Variants in RNF38 observed in about 807,000 individuals in gnomAD.
RNF38 encodes the protein E3 ubiquitin-protein ligase RNF38.
RNF38 carries 15 observed loss-of-function variants against 67.2 expected under a neutral mutation model. That is an observed-to-expected ratio of 0.22 (90% CI 0.15 to 0.34). RNF38 has a LOEUF of 0.34. Ranked by LOEUF, RNF38 falls within the 10% of genes least tolerant of loss-of-function variation. The probability of loss-of-function intolerance (pLI) is 1.00; values close to 1 mark genes in which losing one functional copy is unlikely to be tolerated. For synonymous variants in RNF38, 220 were observed against 218.8 expected (o/e 1.01, Z -0.05); for missense variants, 524 against 639.9 (o/e 0.82, Z 1.95).
At chr9:36,353,594 C>A (rs946483100) in intron 6 of RNF38, among the ~76,000 whole-genome samples, 2 of 152,146 alleles carry the variant, frequency 1.3e-5, no homozygotes, top group African/African-American at 4.8e-5. Flanking sequence ...CTATTTGAAC[C>A]TTCTCTTAAA....
intron 1 of RNF38, among the ~76,000 whole-genome samples, chr9:36,465,515 T>C (rs1326995843): frequency 1.3e-5 from 2 of 152,074 alleles, no homozygotes; most frequent in African/African-American, 4.8e-5. Flanking sequence ...CCTGGCTGAT[T>C]TTATATTTTT....
At chr9:36,451,751 CG>C (rs951070710) in intron 1 of RNF38, among the ~76,000 whole-genome samples, 2 of 151,376 alleles carry the variant, frequency 1.3e-5, no homozygotes, top group African/African-American at 4.8e-5. Flanking sequence ...CCGCCCACCT[CG>C]GCCTCCCAAA....
chr9:36,453,324 G>A (rs2134344374), intron 1 of RNF38, among the ~76,000 whole-genome samples: 1 of 151,784 alleles, frequency 6.6e-6, no homozygotes, highest in South Asian at 2.1e-4. Flanking sequence ...AAGCAATCTT[G>A]CTGCCTCAGC....
At chr9:36,390,742 A>T (rs1837017285) in intron 1 of RNF38, 126 bp from the exon 2 acceptor site, 1 of 983,454 alleles carries the variant, frequency 1.0e-6, no homozygotes, top group Admixed American at 2.6e-5. Context: ...CAGGAAAGAA[A>T]TTAAAAATTA....
At chr9:36,448,989 G>A (rs758553323) in intron 1 of RNF38, among the ~76,000 whole-genome samples, 22 of 151,424 alleles carry the variant, frequency 1.5e-4, no homozygotes, top group South Asian at 4.2e-4. Flanking sequence ...GCGAGACTCC[G>A]TCTCAAAAAA....
chr9:36,460,915 G>T (rs1458027914), intron 1 of RNF38, among the ~76,000 whole-genome samples: 2 of 134,376 alleles, frequency 1.5e-5, no homozygotes, highest in South Asian at 2.4e-4. Context: ...AAGAAAGAAA[G>T]AAAGAAAAAA....
At chr9:36,401,194 G>A (rs866451919), upstream of RNF38, 4 of 981,782 alleles carry the variant, frequency 4.1e-6, no homozygotes, top group African/African-American at 1.8e-5. Context: ...ACCCCGAGGG[G>A]GAAGGGGGCG....
intron 1 of RNF38, among the ~76,000 whole-genome samples, chr9:36,396,198 G>A (rs537628435): frequency 6.6e-6 from 1 of 152,322 alleles, no homozygotes; most frequent in South Asian, 2.1e-4. Flanking sequence ...AGCAAATGAT[G>A]TAACAGCCTG....
intron 6 of RNF38, among the ~76,000 whole-genome samples, chr9:36,355,859 A>G (rs1245798536): frequency 2.6e-5 from 4 of 152,086 alleles, no homozygotes; most frequent in Non-Finnish European, 4.4e-5. Flanking sequence ...TTGTTTGTTT[A>G]TTTTGGAGAC....
chr9:36,347,114 C>G (rs1465043901), intron 9 of RNF38, among the ~76,000 whole-genome samples: 1 of 47,834 alleles, frequency 2.1e-5, no homozygotes, highest in Non-Finnish European at 3.4e-5. Context: ...AAGGGAGACT[C>G]CATCTCGGGG....
In RNF38 at chr9:36,459,621, GTGTA is replaced by G. The variant is rs554839456; in HGVS notation, n.241+27683_241+27686del. ...ATGTGAGTGTGCAAGAGAAGAGTAT[GTGTA>G]TGTGTGTACATACTCCATCACAGGC... On this transcript the variant is annotated intron_variant and non_coding_transcript_variant, in intron 1 of 3. Transcript: ENST00000488058. Among the ~76,000 whole-genome samples the G allele has an allele frequency of 6.6e-3, 1,003 of 152,210 alleles. 7 individuals are homozygous for G. The highest frequency in any genetic ancestry group is 0.012 in the Non-Finnish European group (798 of 68,010).
At chr9:36,370,522 T>C (rs568318242) in intron 3 of RNF38, among the ~76,000 whole-genome samples, 2 of 152,206 alleles carry the variant, frequency 1.3e-5, no homozygotes, top group Non-Finnish European at 2.9e-5. Context: ...AGTATCAACA[T>C]AAATATTCCA....
intron 1 of RNF38, among the ~76,000 whole-genome samples, chr9:36,449,974 G>C (rs1026608686): frequency 6.6e-6 from 1 of 152,032 alleles, no homozygotes; most frequent in African/African-American, 2.4e-5. Context: ...AAACATATTC[G>C]CTCTGTTCAC....
intron 1 of RNF38, among the ~76,000 whole-genome samples, chr9:36,465,578 C>A (rs991470818): frequency 6.6e-6 from 1 of 152,082 alleles, no homozygotes; most frequent in Non-Finnish European, 1.5e-5. Flanking sequence ...CTCCTGACCT[C>A]AGGTGATCCG....
At position 36,351,112 on chromosome 9, in the gene RNF38, A is replaced by C; in HGVS notation, c.1263+3T>G. On this transcript the variant is annotated splice_donor_region_variant and intron_variant, in intron 9 of 11. Coordinates refer to ENST00000259605, the MANE Select transcript of RNF38 (RefSeq NM_022781.5). ...CAAATTAATTCACAATTCATCTACTAACCTCGTAATTTTCTACTTCTCCAT... is the reference window on the plus strand; with the variant it reads ...CAAATTAATTCACAATTCATCTACTCACCTCGTAATTTTCTACTTCTCCAT... 1 of 1,596,166 alleles carries C rather than the reference A, an allele frequency of 6.3e-7. No homozygotes were observed. The highest frequency in any genetic ancestry group is 8.6e-7 in the Non-Finnish European group (1 of 1,164,632).
At chr9:36,393,757 C>G (rs1029530888) in intron 1 of RNF38, among the ~76,000 whole-genome samples, 3 of 152,052 alleles carry the variant, frequency 2.0e-5, no homozygotes, top group Non-Finnish European at 4.4e-5. Flanking sequence ...ATGACTTAAT[C>G]AGAGAAAGCA....
Position 36,339,687 on chromosome 9 carries a change from A to C in RNF38, c.*65T>G. The stretch of plus-strand genomic sequence containing the variant: ...GCTGGAAGCCACACAGATTAAGTTC[A>C]ATGGATAGTCCGTATATACATGTGA... On this transcript the variant is annotated 3_prime_UTR_variant, in exon 12 of 12. Coordinates refer to ENST00000259605, the MANE Select transcript of RNF38 (RefSeq NM_022781.5). 1 of 1,314,678 alleles carries C rather than the reference A, an allele frequency of 7.6e-7. No homozygotes were observed. Among genetic ancestry groups the C allele is most frequent in the Non-Finnish European group, 1.1e-6 (1 of 919,786 alleles). 81.4% of individuals were successfully genotyped at this position (1,314,678 alleles called of 1,614,324 possible). A position where few individuals can be genotyped will look rare whatever the true frequency, so the allele number is the denominator to read the frequency against.
intron 9 of RNF38, among the ~76,000 whole-genome samples, chr9:36,349,682 C>CA (rs1156894358): frequency 1.6e-4 from 25 of 152,076 alleles, no homozygotes; most frequent in African/African-American, 6.0e-4. Context: ...GTGTGATGGC[C>CA]AAAAAACCAA....
chr9:36,454,126 T>C (rs549220314), intron 1 of RNF38, among the ~76,000 whole-genome samples: 1 of 151,700 alleles, frequency 6.6e-6, no homozygotes, highest in East Asian at 1.9e-4. Context: ...AATTCTTTCA[T>C]ACTTTTTTTT....
Sources: allele counts gnomAD v4.1 joint callset (sites outside exome capture counted in the v4.1 genomes callset), GRCh38; gene constraint gnomAD v4.1.1; transcripts MANE v1.5; gene names NCBI Gene and HGNC (gene_info 2026-07-23, HGNC 2026-07-21).